DLG2: variants seen among roughly 807,000 people sequenced by gnomAD.
DLG2 encodes discs large MAGUK scaffold protein 2.
Under a neutral mutation model 132.5 loss-of-function variants are expected in DLG2, and 45 were observed. That is an observed-to-expected ratio of 0.34 (90% CI 0.27 to 0.44). The LOEUF (loss-of-function observed/expected upper bound fraction) is 0.44, where lower values mean the gene tolerates loss of function less well. DLG2 is among the 20% of genes least tolerant of loss of function. The probability of loss-of-function intolerance (pLI) is 1.00; values close to 1 mark genes in which losing one functional copy is unlikely to be tolerated. For missense variants in DLG2, 1,045 were observed against 1,196.9 expected, an observed-to-expected ratio of 0.87 and a Z score of 1.87; for synonymous variants, 424 against 419.6, an observed-to-expected ratio of 1.01 and a Z score of -0.13.
chr11:83,643,680 A>C (rs2067254635), intron 18 of DLG2: 1 of 152,156 alleles, frequency 6.6e-6, no homozygotes, highest in Non-Finnish European at 1.5e-5. Context: ...CTTCAGCAGC[A>C]GCATGAAAAC....
chr11:84,018,921 A>T (rs746982665), intron 11 of DLG2, among the ~76,000 whole-genome samples: 14 of 152,100 alleles, frequency 9.2e-5, no homozygotes, highest in Non-Finnish European at 1.8e-4. Context: ...AGCTTAAAAC[A>T]TAAAGGAATA....
intron 19 of DLG2, among the ~76,000 whole-genome samples, chr11:83,573,445 C>A (rs2096830640): frequency 6.6e-6 from 1 of 152,084 alleles, no homozygotes; most frequent in Admixed American, 6.6e-5. Flanking sequence ...TCAGAACTCT[C>A]TTCTTTCTCA....
At position 85,196,398 on chromosome 11, in the gene DLG2, T is replaced by C. The variant is rs376986336; in HGVS notation, c.187-41747A>G. ...GATAAATAACATGCAAAGTATGCAATCCTAACTGAGAAAATAGGTGAGCCA... is the reference window on the plus strand; with the variant it reads ...GATAAATAACATGCAAAGTATGCAACCCTAACTGAGAAAATAGGTGAGCCA... On this transcript the variant is annotated intron_variant, in intron 4 of 27. Transcript: ENST00000376104. Among the ~76,000 whole-genome samples, 368 of 152,322 alleles carry C rather than the reference T, an allele frequency of 2.4e-3. 6 individuals carry two copies. In the South Asian group the frequency reaches 0.038, roughly 16 times the overall value.
intron 6 of DLG2, among the ~76,000 whole-genome samples, chr11:84,739,631 A>T (rs1376172676): frequency 6.6e-6 from 1 of 152,242 alleles, no homozygotes; most frequent in Non-Finnish European, 1.5e-5. Flanking sequence ...GGCAGTAAGT[A>T]TATGATTGAA....
chr11:84,748,903 C>T (rs2065739455), intron 6 of DLG2, among the ~76,000 whole-genome samples: 1 of 152,162 alleles, frequency 6.6e-6, no homozygotes, highest in African/African-American at 2.4e-5. Context: ...GGTGTTATGG[C>T]TCACGCCTAT....
intron 5 of DLG2, among the ~76,000 whole-genome samples, chr11:85,147,808 A>G (rs971934441): frequency 1.9e-4 from 29 of 152,148 alleles, no homozygotes; most frequent in Non-Finnish European, 3.5e-4. Context: ...TTACATAGGT[A>G]TACGTGTGCC....
chr11:83,933,219 C>G (rs762201384), intron 14 of DLG2, among the ~76,000 whole-genome samples: 20 of 152,310 alleles, frequency 1.3e-4, no homozygotes, highest in Non-Finnish European at 2.5e-4. Flanking sequence ...TGACTTTTGG[C>G]AGCGTGAATC....
At chr11:83,795,676 T>G (rs1365046789) in intron 17 of DLG2, among the ~76,000 whole-genome samples, 1 of 152,134 alleles carries the variant, frequency 6.6e-6, no homozygotes, top group Non-Finnish European at 1.5e-5. Flanking sequence ...GAGATGATCA[T>G]TATATTTGCT....
chr11:84,134,622 G>T lies in DLG2; in HGVS notation c.624+28839C>A, dbSNP rs148656757. The stretch of plus-strand genomic sequence containing the variant: ...AGTTCCCACCACCAAAGATTTGAAG[G>T]TCTCTCCTTCCCAGATAAAAATAGA... On this transcript the variant is annotated intron_variant, in intron 9 of 27. Transcript: ENST00000376104. Among the ~76,000 whole-genome samples, 264 of 151,948 alleles carry T rather than the reference G, an allele frequency of 1.7e-3. 1 individual carries two copies. The highest frequency in any genetic ancestry group is 5.9e-3 in the African/African-American group (245 of 41,454).
intron 2 of DLG2, among the ~76,000 whole-genome samples, chr11:85,599,022 CAA>C (rs532837603): frequency 6.6e-6 from 1 of 152,064 alleles, no homozygotes; most frequent in African/African-American, 2.4e-5. Flanking sequence ...TAAAACAAAA[CAA>C]AGAATTCAAT....
intron 3 of DLG2, among the ~76,000 whole-genome samples, chr11:85,376,818 A>T (rs1265218286): frequency 6.6e-6 from 1 of 152,182 alleles, no homozygotes. Context: ...AGTGAGAGTG[A>T]TACCCCACTA....
chr11:85,480,715 C>T (rs923004342), intron 3 of DLG2, among the ~76,000 whole-genome samples: 2 of 152,062 alleles, frequency 1.3e-5, no homozygotes, highest in African/African-American at 2.4e-5. Context: ...CAAAAGCACA[C>T]ACAAGTCAAT....
intron 3 of DLG2, among the ~76,000 whole-genome samples, chr11:85,553,856 T>C (rs1329590214): frequency 5.3e-5 from 8 of 151,104 alleles, no homozygotes; most frequent in African/African-American, 9.7e-5. Context: ...ACATTCAGCA[T>C]CTTCTGCTTG....
intron 3 of DLG2, among the ~76,000 whole-genome samples, chr11:85,405,264 T>C (rs2088612526): frequency 6.6e-6 from 1 of 152,010 alleles, no homozygotes. Flanking sequence ...TCAGTGAGCC[T>C]AACTTGTATG....
At chr11:84,946,810 G>A (rs1351162851) in intron 6 of DLG2, among the ~76,000 whole-genome samples, 2 of 152,126 alleles carry the variant, frequency 1.3e-5, no homozygotes, top group Non-Finnish European at 2.9e-5. Context: ...AGTTATTGTG[G>A]CCTTGACTGC....
chr11:83,595,632 G>T (rs111353138), intron 19 of DLG2, among the ~76,000 whole-genome samples: 2 of 152,220 alleles, frequency 1.3e-5, no homozygotes, highest in East Asian at 3.9e-4. Flanking sequence ...TTACTGATGC[G>T]GTCTCAGGCT....
intron 19 of DLG2, among the ~76,000 whole-genome samples, chr11:83,595,893 G>C (rs566995082): frequency 1.3e-5 from 2 of 152,224 alleles, no homozygotes; most frequent in East Asian, 3.9e-4. Context: ...AGATGATGTC[G>C]TAATAGGTGC....
At chr11:84,408,768 A>T (rs2098876616) in intron 7 of DLG2, among the ~76,000 whole-genome samples, 1 of 152,130 alleles carries the variant, frequency 6.6e-6, no homozygotes, top group Non-Finnish European at 1.5e-5. Context: ...CTCTTTGACC[A>T]CTTATATCCA....
intron 7 of DLG2, among the ~76,000 whole-genome samples, chr11:84,397,112 G>C (rs890858464): frequency 6.6e-6 from 1 of 152,002 alleles, no homozygotes; most frequent in Non-Finnish European, 1.5e-5. Context: ...CTTAACGAAT[G>C]AATGAAAAAA....
Sources: gnomAD v4.1 joint callset for allele counts (sites outside exome capture counted in the v4.1 genomes callset) on GRCh38, gnomAD v4.1.1 for gene constraint, MANE v1.5 for transcripts, NCBI Gene and HGNC (gene_info 2026-07-23, HGNC 2026-07-21) for gene names.